MFF: variants seen among roughly 807,000 people sequenced by gnomAD.
The protein encoded by MFF is mitochondrial fission factor.
In MFF, 12 loss-of-function variants were observed where a neutral mutation model predicts 36.9. The observed-to-expected ratio is 0.33, with a 90% CI of 0.21 to 0.53. The LOEUF (loss-of-function observed/expected upper bound fraction) is 0.53. Ranked by LOEUF, MFF falls within the 20% of genes least tolerant of loss-of-function variation. The pLI is 0.95. For missense variants in MFF, 348 were observed against 366.6 expected, an observed-to-expected ratio of 0.95 and a Z score of 0.42; for synonymous variants, 99 against 126.2, an observed-to-expected ratio of 0.78 and a Z score of 1.44.
intron 2 of MFF, chr2:227,329,958 A>G (rs1362072203): frequency 2.1e-6 from 1 of 481,252 alleles, no homozygotes; most frequent in Non-Finnish European, 3.7e-6. Flanking sequence ...GATATTAAAT[A>G]CAGATTAATA....
chr2:227,340,165 TG>T (rs752975424), intron 4 of MFF, 126 bp from the exon 5 acceptor site: 9 of 648,180 alleles, frequency 1.4e-5, no homozygotes, highest in Non-Finnish European at 2.4e-5. Flanking sequence ...CAGCAATTCT[TG>T]GTTGCCTTTT....
intron 1 of MFF, among the ~76,000 whole-genome samples, chr2:227,328,427 T>C (rs1282018467): frequency 1.3e-5 from 2 of 152,102 alleles, no homozygotes; most frequent in African/African-American, 2.4e-5. Flanking sequence ...CACATTTTTC[T>C]AAATACAAAT....
At chr2:227,355,077 C>T (rs1261917372) in intron 7 of MFF, among the ~76,000 whole-genome samples, 1 of 152,188 alleles carries the variant, frequency 6.6e-6, no homozygotes, top group African/African-American at 2.4e-5. Flanking sequence ...AGGAGAATCA[C>T]TTGAACCCCA....
rs769630547 is a variant in MFF at position 227,340,391 on chromosome 2, G to A, written c.440+11G>A. On this transcript the variant is annotated intron_variant, in intron 5 of 8. Transcript: ENST00000304593. ...CAGAAATGATTCTCTGTGAGTAGAAGCACTAGCATTTTATCTCGTTTGTAA... is the reference window on the plus strand; with the variant it reads ...CAGAAATGATTCTCTGTGAGTAGAAACACTAGCATTTTATCTCGTTTGTAA... 6.9e-7 allele frequency: 1 copy of A among 1,438,870 alleles called. No individual in the cohort carries two copies. The highest frequency in any genetic ancestry group is 2.3e-5 in the East Asian group (1 of 43,656). 89.1% of individuals were successfully genotyped at this position (1,438,870 alleles called of 1,614,324 possible). A position where few individuals can be genotyped will look rare whatever the true frequency, so the allele number is the denominator to read the frequency against.
intron 6 of MFF, 156 bp from the exon 7 acceptor site, chr2:227,352,358 C>A (rs1041421985): frequency 1.7e-6 from 1 of 576,146 alleles, no homozygotes; most frequent in Non-Finnish European, 3.1e-6. Context: ...ACACATGAGA[C>A]AAGGATTTTT....
intron 5 of MFF, among the ~76,000 whole-genome samples, chr2:227,341,698 G>A (rs1464822325): frequency 2.0e-5 from 3 of 152,070 alleles, no homozygotes; most frequent in Admixed American, 1.3e-4. Context: ...GTGGCTTCTT[G>A]ATCTGCTTTA....
At position 227,332,461 on chromosome 2, in the gene MFF, A is replaced by G. The variant is rs143374639; in HGVS notation, c.224A>G (p.Asp75Gly). 1.1e-5 allele frequency: 18 copies of G among 1,613,482 alleles called. No individual in the cohort carries two copies. The highest frequency in any genetic ancestry group is 1.4e-5 in the Non-Finnish European group (16 of 1,179,766). ...TCATTTTCAAGACCAGCAGATCTTGACCTTATTCAGTCAACTCCCTTTAAA... is the reference window on the plus strand; with the variant it reads ...TCATTTTCAAGACCAGCAGATCTTGGCCTTATTCAGTCAACTCCCTTTAAA... The part of the protein sequence containing the change: ...DVSFSRPADL[D>G]LIQSTPFKPL... Residue 75 changes from aspartate to glycine, a missense_variant, in exon 4 of 9, where the codon GAC becomes GGC. Coordinates refer to ENST00000304593, the MANE Select transcript of MFF (RefSeq NM_001277062.2).
chr2:227,326,718 CAG>C (rs1404846202), intron 1 of MFF, among the ~76,000 whole-genome samples: 9 of 152,166 alleles, frequency 5.9e-5, no homozygotes, highest in Non-Finnish European at 1.2e-4. Flanking sequence ...AGAACTGAAA[CAG>C]GGTGTGCAGA....
intron 1 of MFF, among the ~76,000 whole-genome samples, 187 bp from the exon 2 acceptor site, chr2:227,328,491 T>G (rs2074339666): frequency 6.6e-6 from 1 of 152,190 alleles, no homozygotes. Flanking sequence ...TGAATAGTTG[T>G]AGGACCCCAT....
In MFF at chr2:227,347,180, C is replaced by G. The variant is rs2075759134; in HGVS notation, c.441-46C>G. 3 of 1,569,432 alleles carry G rather than the reference C, an allele frequency of 1.9e-6. No individual in the cohort carries two copies. The East Asian group carries it at 6.8e-5, about 35-fold the overall frequency. On this transcript the variant is annotated intron_variant, in intron 5 of 8. Transcript: ENST00000304593. ...TGCTCAGCTGAAGTTTTATAAAAAT[C>G]TGACTTGAGTGTTTTTCTCTTCATT...
chr2:227,356,100 C>T (rs546901599), intron 8 of MFF, among the ~76,000 whole-genome samples: 3 of 152,134 alleles, frequency 2.0e-5, no homozygotes, highest in Non-Finnish European at 2.9e-5. Context: ...TTTTGGAAAC[C>T]GCTCCTTGCA....
At chr2:227,329,660 G>A in intron 2 of MFF, 2 of 971,440 alleles carry the variant, frequency 2.1e-6, no homozygotes, top group Non-Finnish European at 3.3e-6. Flanking sequence ...GTTCAAATGT[G>A]TAGGGGAATT....
chr2:227,334,067 A>G (rs2074805369), intron 4 of MFF, among the ~76,000 whole-genome samples: 1 of 152,224 alleles, frequency 6.6e-6, no homozygotes, highest in Non-Finnish European at 1.5e-5. Context: ...AATTAGAACT[A>G]ATTTTGAAGA....
chr2:227,326,439 TC>T (rs1329621735), intron 1 of MFF, among the ~76,000 whole-genome samples: 5 of 152,202 alleles, frequency 3.3e-5, no homozygotes, highest in African/African-American at 1.2e-4. Flanking sequence ...AGTAGTCTTT[TC>T]CCATGCAATT....
rs1244979239 is a variant in MFF at position 227,356,973 on chromosome 2, G to A, written c.745-13G>A. The A allele has an allele frequency of 1.3e-6, 2 of 1,544,790 alleles. No homozygotes were observed. The highest frequency in any genetic ancestry group is 1.8e-5 in the Admixed American group (1 of 56,590). On this transcript the variant is annotated splice_polypyrimidine_tract_variant and intron_variant, in intron 8 of 8. Coordinates refer to ENST00000304593, the MANE Select transcript of MFF (RefSeq NM_001277062.2). ...TCTATATTATATTTTTTGTGTGTTT[G>A]TTTTTCACTTAGATAATCAAACTAA...
At chr2:227,344,099 T>G (rs933111868) in intron 5 of MFF, among the ~76,000 whole-genome samples, 1 of 152,246 alleles carries the variant, frequency 6.6e-6, no homozygotes, top group African/African-American at 2.4e-5. Context: ...TGGTGTTGTT[T>G]ATGTAACTCT....
At chr2:227,355,899 A>T (rs2076231566) in intron 8 of MFF, 138 bp downstream of exon 8, 2 of 571,844 alleles carry the variant, frequency 3.5e-6, no homozygotes, top group South Asian at 2.4e-5. Context: ...TCTCATTTTG[A>T]TTAAAGATAT....
intron 7 of MFF, among the ~76,000 whole-genome samples, chr2:227,353,832 A>G (rs1172047041): frequency 6.6e-6 from 1 of 152,172 alleles, no homozygotes; most frequent in East Asian, 1.9e-4. Flanking sequence ...TTTGTACTTC[A>G]TTCTGTATGT....
At chr2:227,330,975 T>C in intron 3 of MFF, 129 bp downstream of exon 3, 1 of 715,288 alleles carries the variant, frequency 1.4e-6, no homozygotes, top group Non-Finnish European at 2.3e-6. Flanking sequence ...CTTTTGAAAT[T>C]TCTATTCATT....
Sources: allele counts gnomAD v4.1 joint callset (sites outside exome capture counted in the v4.1 genomes callset), GRCh38; gene constraint gnomAD v4.1.1; transcripts MANE v1.5; gene names NCBI Gene and HGNC (gene_info 2026-07-23, HGNC 2026-07-21).